Variants in FRMD5 observed in about 807,000 individuals in gnomAD.
The protein encoded by FRMD5 is FERM domain-containing protein 5.
In FRMD5, 20 loss-of-function variants were observed where a neutral mutation model predicts 69.0. That is an observed-to-expected ratio of 0.29 (90% CI 0.20 to 0.42). The LOEUF is 0.42. Ranked by LOEUF, FRMD5 falls within the 10% of genes least tolerant of loss-of-function variation. The probability of loss-of-function intolerance (pLI) is 1.00; values close to 1 mark genes in which losing one functional copy is unlikely to be tolerated. For synonymous variants in FRMD5, 271 were observed against 260.1 expected (o/e 1.04, Z -0.40); for missense variants, 595 against 708.6 (o/e 0.84, Z 1.82).
At chr15:43,943,242 C>CA (rs909294505) in intron 1 of FRMD5, among the ~76,000 whole-genome samples, 20 of 150,220 alleles carry the variant, frequency 1.3e-4, no homozygotes, top group African/African-American at 2.4e-4. Flanking sequence ...AACTGTATCT[C>CA]AAAAAAAAAG....
intron 1 of FRMD5, among the ~76,000 whole-genome samples, chr15:44,181,810 A>C (rs1310679273): frequency 6.6e-6 from 1 of 152,034 alleles, no homozygotes; most frequent in African/African-American, 2.4e-5. Flanking sequence ...GGAGGCTGAG[A>C]CAGGACTGCT....
intron 1 of FRMD5, among the ~76,000 whole-genome samples, chr15:44,020,132 A>G (rs1250901304): frequency 6.6e-6 from 1 of 152,056 alleles, no homozygotes; most frequent in Non-Finnish European, 1.5e-5. Context: ...ATATCATATC[A>G]TATCTTTTTT....
chr15:44,047,222 T>C (rs978004550), intron 1 of FRMD5, among the ~76,000 whole-genome samples: 3 of 151,846 alleles, frequency 2.0e-5, no homozygotes, highest in African/African-American at 7.3e-5. Flanking sequence ...GGGAGAAGAA[T>C]TGCTTAAACC....
In FRMD5 at chr15:44,049,707, C is replaced by T. The variant is rs559786435; in HGVS notation, c.103-125398G>A. On this transcript the variant is annotated intron_variant, in intron 1 of 13. Coordinates refer to ENST00000417257, the MANE Select transcript of FRMD5 (RefSeq NM_032892.5). ...CATTTAAAATCCTTCAGTCAGTCAA[C>T]AAATGTTATTTAATACCTACTATGT... Among the ~76,000 whole-genome samples, 201 of 152,264 alleles carry T rather than the reference C, an allele frequency of 1.3e-3. 3 individuals carry two copies. The highest frequency in any genetic ancestry group is 4.7e-3 in the African/African-American group (194 of 41,552).
Position 43,881,584 on chromosome 15 carries a change from T to G in FRMD5, c.1135+2119A>C, listed in dbSNP as rs528594340. On this transcript the variant is annotated intron_variant, in intron 13 of 13. Coordinates refer to ENST00000417257, the MANE Select transcript of FRMD5 (RefSeq NM_032892.5). Reference sequence around the variant, plus strand: ...AGAAAGTGCATGGCAGAGCTCCTAGTCAGACCTTGGCTTCCTGATCAGAAC... The same window carrying G: ...AGAAAGTGCATGGCAGAGCTCCTAGGCAGACCTTGGCTTCCTGATCAGAAC... Among the ~76,000 whole-genome samples, 6 of 152,336 alleles carry G rather than the reference T, an allele frequency of 3.9e-5. No homozygotes were observed. The South Asian group carries it at 1.2e-3, about 32-fold the overall frequency.
At chr15:44,123,972 G>C (rs2076990799) in intron 1 of FRMD5, among the ~76,000 whole-genome samples, 1 of 151,900 alleles carries the variant, frequency 6.6e-6, no homozygotes, top group African/African-American at 2.4e-5. Flanking sequence ...CTATAAAATT[G>C]TTCATATCTT....
chr15:44,061,646 A>C (rs1025602811), intron 1 of FRMD5, among the ~76,000 whole-genome samples: 8 of 152,254 alleles, frequency 5.3e-5, no homozygotes, highest in Non-Finnish European at 1.2e-4. Context: ...TTGACATTTG[A>C]CATTTGAATC....
At chr15:44,197,678 C>CAA (rs5812271), upstream of FRMD5, among the ~76,000 whole-genome samples, 94 of 84,572 alleles carry the variant, frequency 1.1e-3, no homozygotes, top group East Asian at 2.0e-3. Context: ...GACTCCATCT[C>CAA]AAAAAAAAAA....
chr15:43,931,811 C>T lies in FRMD5; in HGVS notation c.103-7502G>A, dbSNP rs576108359. ...AGACACATTTCATTAGCAAACAGGT[C>T]AGGATCTTTGAGTCCTGAGTGCAGT... is the stretch of plus-strand genomic sequence containing the variant. On this transcript the variant is annotated intron_variant, in intron 1 of 13. Transcript: ENST00000417257. 3.9e-5 allele frequency among the ~76,000 whole-genome samples: 6 copies of T among 152,276 alleles called. No individual in the cohort carries two copies. In the South Asian group the frequency reaches 1.2e-3, roughly 32 times the overall value.
At chr15:44,159,645 T>C (rs1161497630) in intron 1 of FRMD5, among the ~76,000 whole-genome samples, 3 of 152,050 alleles carry the variant, frequency 2.0e-5, no homozygotes, top group African/African-American at 7.3e-5. Flanking sequence ...AGAATGAAAA[T>C]AGGAGAAGCA....
intron 1 of FRMD5, among the ~76,000 whole-genome samples, chr15:44,089,520 T>G (rs1341460359): frequency 6.6e-6 from 1 of 151,936 alleles, no homozygotes; most frequent in East Asian, 1.9e-4. Flanking sequence ...CTGGATAGCA[T>G]GGCAAAACCC....
chr15:44,152,421 TC>T (rs1235832924), intron 1 of FRMD5, among the ~76,000 whole-genome samples: 1 of 152,230 alleles, frequency 6.6e-6, no homozygotes, highest in Non-Finnish European at 1.5e-5. Context: ...TTATTCATAA[TC>T]CTACTGAACA....
At chr15:44,146,400 T>C (rs2077356680) in intron 1 of FRMD5, among the ~76,000 whole-genome samples, 1 of 152,220 alleles carries the variant, frequency 6.6e-6, no homozygotes, top group Non-Finnish European at 1.5e-5. Context: ...CTATCATTGA[T>C]GGGCATTTGG....
Position 43,873,429 on chromosome 15 carries a change from C to T in FRMD5, c.*456G>A. 1.4e-6 allele frequency: 2 copies of T among 1,433,108 alleles called. No homozygotes were observed. Among genetic ancestry groups the T allele is most frequent in the Non-Finnish European group, 1.8e-6 (2 of 1,103,650 alleles). The allele number at this position is 1,433,108 out of a possible 1,614,324, so 88.8% of individuals were successfully genotyped here. A position where few individuals can be genotyped will look rare whatever the true frequency, so the allele number is the denominator to read the frequency against. Reference sequence around the variant, plus strand: ...CTGCAGTGATGAGTCTACTGGAACCCAGTGGCACCAGCAGGAAAAGCTCCT... The same window carrying T: ...CTGCAGTGATGAGTCTACTGGAACCTAGTGGCACCAGCAGGAAAAGCTCCT... On this transcript the variant is annotated 3_prime_UTR_variant, in exon 14 of 14. Coordinates refer to ENST00000417257, the MANE Select transcript of FRMD5 (RefSeq NM_032892.5).
At chr15:44,100,859 C>G (rs1002662641) in intron 1 of FRMD5, among the ~76,000 whole-genome samples, 2 of 152,134 alleles carry the variant, frequency 1.3e-5, no homozygotes, top group South Asian at 4.2e-4. Flanking sequence ...TAGAAATAAA[C>G]TAGTCTTGGG....
chr15:43,910,025 CT>C (rs1191447378), intron 4 of FRMD5, 46 bp from the exon 5 acceptor site: 1 of 1,108,902 alleles, frequency 9.0e-7, no homozygotes, highest in African/African-American at 1.5e-5. Flanking sequence ...TCTTTGATTG[CT>C]TTAAAGATAG....
chr15:44,113,113 G>A (rs2076822743), intron 1 of FRMD5, among the ~76,000 whole-genome samples: 1 of 152,126 alleles, frequency 6.6e-6, no homozygotes, highest in Non-Finnish European at 1.5e-5. Flanking sequence ...AAACTTGCAG[G>A]ATTCTCCCTC....
intron 1 of FRMD5, among the ~76,000 whole-genome samples, chr15:44,133,315 A>C (rs576360623): frequency 6.6e-6 from 1 of 152,098 alleles, no homozygotes; most frequent in South Asian, 2.1e-4. Flanking sequence ...GGTGGCTCAC[A>C]TCTGTAATCC....
chr15:44,196,238 G>A (rs1006396295), upstream of FRMD5, among the ~76,000 whole-genome samples: 1 of 152,168 alleles, frequency 6.6e-6, no homozygotes, highest in African/African-American at 2.4e-5. Flanking sequence ...GAGGCGGGCG[G>A]ATCACCTGAT....
Sources: allele counts gnomAD v4.1 joint callset (sites outside exome capture counted in the v4.1 genomes callset), GRCh38; gene constraint gnomAD v4.1.1; transcripts MANE v1.5; gene names NCBI Gene and HGNC (gene_info 2026-07-23, HGNC 2026-07-21).